Variants in UBE2E2 observed in about 807,000 individuals in gnomAD.
The protein encoded by UBE2E2 is ubiquitin conjugating enzyme E2 E2.
UBE2E2 carries 6 observed loss-of-function variants against 24.7 expected under a neutral mutation model. That is an observed-to-expected ratio of 0.24 (90% CI 0.13 to 0.48). The LOEUF (loss-of-function observed/expected upper bound fraction) is 0.48, where lower values mean the gene tolerates loss of function less well. Among genes scored for constraint, UBE2E2 ranks in the 20% least tolerant of loss-of-function variants. UBE2E2 has a pLI of 0.99. For missense variants in UBE2E2, 169 were observed against 245.0 expected, an observed-to-expected ratio of 0.69 and a Z score of 2.07; for synonymous variants, 104 against 83.6, an observed-to-expected ratio of 1.24 and a Z score of -1.33.
intron 3 of UBE2E2, among the ~76,000 whole-genome samples, chr3:23,286,744 A>G (rs1332368339): frequency 6.6e-6 from 1 of 152,092 alleles, no homozygotes; most frequent in Admixed American, 6.5e-5. Flanking sequence ...CTTCAGTAGT[A>G]TGGACGTTTT....
intron 3 of UBE2E2, among the ~76,000 whole-genome samples, chr3:23,406,989 A>C (rs760059004): frequency 2.0e-5 from 3 of 152,208 alleles, no homozygotes; most frequent in Non-Finnish European, 4.4e-5. Flanking sequence ...GTCCACAGGA[A>C]AGCCCATTCC....
intron 5 of UBE2E2, among the ~76,000 whole-genome samples, chr3:23,567,059 A>G (rs1268965955): frequency 6.6e-6 from 1 of 152,194 alleles, no homozygotes; most frequent in Non-Finnish European, 1.5e-5. Flanking sequence ...AAAAAGATGC[A>G]TTCTAGGATC....
intron 3 of UBE2E2, among the ~76,000 whole-genome samples, chr3:23,224,349 GT>G (rs1442260783): frequency 1.3e-5 from 2 of 151,474 alleles, no homozygotes; most frequent in Admixed American, 1.3e-4. Context: ...CAGTTTTATA[GT>G]TTTCTTTGTA....
rs1009064361 is a variant in UBE2E2 at position 23,461,172 on chromosome 3, T to C, written c.228-38436T>C. Among the ~76,000 whole-genome samples the C allele has an allele frequency of 7.2e-5, 11 of 152,084 alleles. 2 individuals carry two copies. Among genetic ancestry groups the C allele is most frequent in the Admixed American group, 1.3e-4 (2 of 15,292 alleles). ...TTGCTTTCTTAAAATGTGTGGCATA[T>C]TTAGAAAAGTTGGAGAAAGTCTCGG... On this transcript the variant is annotated intron_variant, in intron 3 of 5. Transcript: ENST00000396703.
intron 5 of UBE2E2, among the ~76,000 whole-genome samples, chr3:23,556,235 C>A (rs575651608): frequency 6.8e-6 from 1 of 148,106 alleles, no homozygotes; most frequent in East Asian, 2.0e-4. Context: ...ACCTCCACCT[C>A]CCAGGTTCAA....
intron 3 of UBE2E2, among the ~76,000 whole-genome samples, chr3:23,362,744 C>T (rs913981381): frequency 3.3e-5 from 5 of 152,106 alleles, no homozygotes; most frequent in Non-Finnish European, 5.9e-5. Context: ...TGGGAAACAC[C>T]TGGACAAAAG....
At chr3:23,332,732 T>C (rs1388844727) in intron 3 of UBE2E2, among the ~76,000 whole-genome samples, 1 of 151,470 alleles carries the variant, frequency 6.6e-6, no homozygotes, top group Admixed American at 6.6e-5. Context: ...GCTATGGATA[T>C]CTCTCTAGGA....
intron 4 of UBE2E2, among the ~76,000 whole-genome samples, chr3:23,523,824 G>A (rs1024213609): frequency 8.1e-5 from 8 of 98,260 alleles, no homozygotes; most frequent in African/African-American, 2.5e-4. Flanking sequence ...TCAAAGAGGG[G>A]ATTTTTTTTT....
At chr3:23,238,339 A>C (rs960379867) in intron 3 of UBE2E2, among the ~76,000 whole-genome samples, 3 of 152,080 alleles carry the variant, frequency 2.0e-5, no homozygotes, top group South Asian at 4.1e-4. Context: ...TACCAGATTT[A>C]CTCCACCTGC....
intron 3 of UBE2E2, among the ~76,000 whole-genome samples, chr3:23,378,077 A>G (rs1412470283): frequency 2.0e-5 from 3 of 152,028 alleles, no homozygotes; most frequent in Non-Finnish European, 4.4e-5. Context: ...GAGATATATG[A>G]CTACAGCTGA....
chr3:23,476,000 A>C (rs1326553666), intron 3 of UBE2E2, among the ~76,000 whole-genome samples: 1 of 152,122 alleles, frequency 6.6e-6, no homozygotes, highest in Admixed American at 6.5e-5. Flanking sequence ...TTAGTATTCA[A>C]GATGGAGTCA....
intron 3 of UBE2E2, among the ~76,000 whole-genome samples, chr3:23,441,139 A>T (rs1698293944): frequency 6.6e-6 from 1 of 152,168 alleles, no homozygotes; most frequent in Admixed American, 6.5e-5. Context: ...TCACTTGGGT[A>T]TTCTGAAGCA....
At chr3:23,517,750 A>G (rs1575680137) in intron 4 of UBE2E2, among the ~76,000 whole-genome samples, 1 of 152,158 alleles carries the variant, frequency 6.6e-6, no homozygotes, top group South Asian at 2.1e-4. Context: ...AGTTGGCACT[A>G]TTTATTTAAA....
At chr3:23,378,895 A>G (rs1025012902) in intron 3 of UBE2E2, among the ~76,000 whole-genome samples, 6 of 152,186 alleles carry the variant, frequency 3.9e-5, no homozygotes, top group Admixed American at 3.9e-4. Context: ...GAAAAATAAC[A>G]TTAATACCTA....
intron 5 of UBE2E2, among the ~76,000 whole-genome samples, chr3:23,534,937 ACTCTT>A (rs1317560918): frequency 6.6e-6 from 1 of 151,854 alleles, no homozygotes; most frequent in African/African-American, 2.4e-5. Context: ...ATACTTTCTC[ACTCTT>A]ATCCATACAT....
intron 3 of UBE2E2, among the ~76,000 whole-genome samples, chr3:23,419,623 C>T (rs1697745343): frequency 6.6e-6 from 1 of 152,156 alleles, no homozygotes; most frequent in African/African-American, 2.4e-5. Flanking sequence ...TTCCACTTGC[C>T]TGCCGTGCAT....
chr3:23,556,454 T>TAAAAAAAAAAAAAAAAAAAAAAAA (rs5847239), intron 5 of UBE2E2, among the ~76,000 whole-genome samples: 41 of 94,272 alleles, frequency 4.3e-4, no homozygotes, highest in African/African-American at 6.3e-4. Context: ...AAAATTTATT[T>TAAAAAAAAAAAAAAAAAAAAAAAA]AAAAAAAAAA....
chr3:23,203,391 C>A lies in UBE2E2; in HGVS notation c.-82C>A. On this transcript the variant is annotated 5_prime_UTR_variant, in exon 1 of 6. Transcript: ENST00000396703. ...CCCTGGGGCCTCCCCAGTCTCCCTC[C>A]CCCTCGCGCCTGGGCAGCTCTCTCC... 1.0e-6 allele frequency: 1 copy of A among 985,682 alleles called. No homozygotes were observed. Among genetic ancestry groups the A allele is most frequent in the Non-Finnish European group, 1.2e-6 (1 of 830,226 alleles). The allele number at this position is 985,682 out of a possible 1,614,324, so 61.1% of individuals were successfully genotyped here.
chr3:23,207,296 C>T (rs938483455), intron 1 of UBE2E2, among the ~76,000 whole-genome samples: 1 of 152,058 alleles, frequency 6.6e-6, no homozygotes, highest in East Asian at 1.9e-4. Context: ...TGTCTGCTGT[C>T]TAGATTATAA....
Sources: gnomAD v4.1 joint callset for allele counts (sites outside exome capture counted in the v4.1 genomes callset) on GRCh38, gnomAD v4.1.1 for gene constraint, MANE v1.5 for transcripts, NCBI Gene and HGNC (gene_info 2026-07-23, HGNC 2026-07-21) for gene names.